Variants in HEMK2 observed in about 807,000 individuals in gnomAD.
HEMK2 encodes the protein methyltransferase HEMK2.
chr21:28,761,481 T>C, the HEMK2 span, among the ~76,000 whole-genome samples: 1 of 152,096 alleles, frequency 6.6e-6, no homozygotes, highest in Non-Finnish European at 1.5e-5. Flanking sequence ...CATTGTATCA[T>C]AGATTACAGT....
the HEMK2 span, among the ~76,000 whole-genome samples, chr21:28,707,986 C>T: frequency 2.0e-5 from 3 of 152,136 alleles, no homozygotes; most frequent in Admixed American, 6.5e-5. Flanking sequence ...CTGAGATGAT[C>T]GGTGTGAACT....
chr21:28,685,538 A>C, the HEMK2 span, among the ~76,000 whole-genome samples: 1 of 152,124 alleles, frequency 6.6e-6, no homozygotes, highest in Non-Finnish European at 1.5e-5. Flanking sequence ...TCAAACCAAA[A>C]CAAAGCCCAT....
At chr21:28,885,321 G>A in the HEMK2 span, 1 of 1,583,988 alleles carries the variant, frequency 6.3e-7, no homozygotes, top group Non-Finnish European at 8.6e-7. Context: ...CCGTGGAACG[G>A]CGTAGCGAAG....
chr21:28,612,223 A>G, the HEMK2 span, among the ~76,000 whole-genome samples: 11 of 152,120 alleles, frequency 7.2e-5, no homozygotes, highest in Non-Finnish European at 1.6e-4. Context: ...TATCAAAAAG[A>G]TAATCCACCA....
the HEMK2 span, among the ~76,000 whole-genome samples, chr21:28,595,264 G>A: frequency 8.0e-6 from 1 of 124,286 alleles, no homozygotes; most frequent in Non-Finnish European, 1.7e-5. Flanking sequence ...AAATACTAGG[G>A]CTTATTCATT....
At chr21:28,701,467 C>T in the HEMK2 span, among the ~76,000 whole-genome samples, 1 of 151,210 alleles carries the variant, frequency 6.6e-6, no homozygotes, top group African/African-American at 2.4e-5. Flanking sequence ...AATTAATGTA[C>T]AAAAATCAGT....
At chr21:28,814,710 T>C in the HEMK2 span, among the ~76,000 whole-genome samples, 1 of 152,206 alleles carries the variant, frequency 6.6e-6, no homozygotes, top group Middle Eastern at 3.4e-3. Flanking sequence ...AGAATGGCTA[T>C]CATTAAAAAA....
At chr21:28,612,755 T>C in the HEMK2 span, among the ~76,000 whole-genome samples, 1 of 152,116 alleles carries the variant, frequency 6.6e-6, no homozygotes, top group African/African-American at 2.4e-5. Context: ...AATTAAAGTA[T>C]ACAAATTAGT....
the HEMK2 span, among the ~76,000 whole-genome samples, chr21:28,879,321 C>A: frequency 6.6e-6 from 1 of 152,146 alleles, no homozygotes; most frequent in Non-Finnish European, 1.5e-5. Context: ...CAGCTCACTG[C>A]AAGCTCCGCC....
chr21:28,805,994 CTTGT>C, the HEMK2 span, among the ~76,000 whole-genome samples: 4 of 152,128 alleles, frequency 2.6e-5, no homozygotes, highest in Non-Finnish European at 5.9e-5. Flanking sequence ...TTTCTTTTCC[CTTGT>C]TTGTTTTTGA....
chr21:28,820,990 T>C, the HEMK2 span, among the ~76,000 whole-genome samples: 1 of 152,232 alleles, frequency 6.6e-6, no homozygotes, highest in African/African-American at 2.4e-5. Context: ...ATCAGTGTAT[T>C]CCTTTCCTCT....
the HEMK2 span, among the ~76,000 whole-genome samples, chr21:28,730,310 G>A: frequency 6.6e-6 from 1 of 151,942 alleles, no homozygotes; most frequent in Non-Finnish European, 1.5e-5. Flanking sequence ...GAGCCTGGGA[G>A]GTCAAGGCTG....
the HEMK2 span, among the ~76,000 whole-genome samples, chr21:28,650,047 GA>G: frequency 6.6e-6 from 1 of 152,146 alleles, no homozygotes; most frequent in South Asian, 2.1e-4. Flanking sequence ...GAGAAATGTT[GA>G]AATGGATGAA....
the HEMK2 span, among the ~76,000 whole-genome samples, chr21:28,741,385 T>G: frequency 6.6e-6 from 1 of 152,208 alleles, no homozygotes; most frequent in Non-Finnish European, 1.5e-5. Context: ...GAAAGAGGTT[T>G]CTTTTTTTAA....
At chr21:28,825,018 C>T in the HEMK2 span, among the ~76,000 whole-genome samples, 1 of 152,190 alleles carries the variant, frequency 6.6e-6, no homozygotes, top group East Asian at 1.9e-4. Flanking sequence ...GAAATAAACA[C>T]TGCTTTGAAG....
the HEMK2 span, among the ~76,000 whole-genome samples, chr21:28,864,816 C>CAGATAGATAGAT: frequency 1.7e-5 from 2 of 117,640 alleles, no homozygotes; most frequent in South Asian, 2.9e-4. Context: ...GAAAGACAGA[C>CAGATAGATAGAT]AGACAGATAG....
At chr21:28,843,590 G>A in the HEMK2 span, among the ~76,000 whole-genome samples, 1 of 152,124 alleles carries the variant, frequency 6.6e-6, no homozygotes, top group Non-Finnish European at 1.5e-5. Context: ...TGCAAAGAAA[G>A]GTAGGAAGAT....
the HEMK2 span, among the ~76,000 whole-genome samples, chr21:28,841,795 C>A: frequency 6.6e-6 from 1 of 151,810 alleles, no homozygotes; most frequent in Non-Finnish European, 1.5e-5. Flanking sequence ...CACCTGTACC[C>A]CAATAATTTA....
At chr21:28,623,908 A>G in the HEMK2 span, among the ~76,000 whole-genome samples, 5 of 152,256 alleles carry the variant, frequency 3.3e-5, no homozygotes, top group African/African-American at 1.2e-4. Flanking sequence ...GGTGCAGCAA[A>G]CCACCATGGC....
Sources: gnomAD v4.1 joint callset for allele counts (sites outside exome capture counted in the v4.1 genomes callset) on GRCh38, gnomAD v4.1.1 for gene constraint, MANE v1.5 for transcripts, NCBI Gene and HGNC (gene_info 2026-07-23, HGNC 2026-07-21) for gene names.